Variants in MMD2 observed in about 807,000 individuals in gnomAD.
The protein encoded by MMD2 is monocyte to macrophage differentiation associated 2, also known as monocyte to macrophage differentiation factor 2.
A neutral mutation model predicts 33.5 loss-of-function variants in MMD2; 30 were observed. The ratio of observed to expected loss-of-function variants is 0.90; its 90% CI spans 0.67 to 1.22. The LOEUF is 1.22. MMD2 is among the 50% of genes most tolerant of loss of function. The probability of loss-of-function intolerance (pLI) is 0.00; values close to 1 mark genes in which losing one functional copy is unlikely to be tolerated. For synonymous variants in MMD2, 129 were observed against 123.0 expected, an observed-to-expected ratio of 1.05 and a Z score of -0.32; for missense variants, 364 against 325.4, an observed-to-expected ratio of 1.12 and a Z score of -0.91.
At chr7:4,903,962 C>T (rs1223498739), downstream of MMD2, among the ~76,000 whole-genome samples, 1 of 152,198 alleles carries the variant, frequency 6.6e-6, no homozygotes, top group Non-Finnish European at 1.5e-5. Context: ...GACGGAGTTT[C>T]GCTTTTGTTG....
At chr7:4,898,338 C>T in the MMD2 span, among the ~76,000 whole-genome samples, 3 of 152,222 alleles carry the variant, frequency 2.0e-5, no homozygotes, top group Non-Finnish European at 4.4e-5. Flanking sequence ...GCAGCAAATA[C>T]ACACTAAGCA....
chr7:4,911,039 C>A, intron 5 of MMD2, 106 bp downstream of exon 5: 1 of 962,234 alleles, frequency 1.0e-6, no homozygotes, highest in East Asian at 2.7e-5. Context: ...GAGCTGTGCT[C>A]TCACGATTAT....
intron 2 of MMD2, 21 bp downstream of exon 2, chr7:4,925,430 G>A: frequency 1.3e-6 from 2 of 1,506,382 alleles, no homozygotes; most frequent in South Asian, 1.3e-5. Context: ...TCAGCCCTGA[G>A]CCCCCCAAAA....
chr7:4,930,471 C>A (rs1785551127), intron 1 of MMD2, among the ~76,000 whole-genome samples: 1 of 151,438 alleles, frequency 6.6e-6, no homozygotes, highest in African/African-American at 2.4e-5. Flanking sequence ...AATACCCCAT[C>A]TCTACTAAAA....
rs1335030835 is a variant in MMD2, at chr7:4,940,343, C to G, written c.48-14811G>C. On this transcript the variant is annotated intron_variant, in intron 1 of 6. Transcript: ENST00000401401. This position sits in a 1 kb window ranked among gnomAD's most constrained non-coding sequence, Gnocchi z 5.0. Reference sequence around the variant, plus strand: ...GGGGTCTATGGCCCCCAGAAAGAAGCCTGACCCCTTTCATGAATGAGCCCG... The same window carrying G: ...GGGGTCTATGGCCCCCAGAAAGAAGGCTGACCCCTTTCATGAATGAGCCCG... 6.6e-6 allele frequency among the ~76,000 whole-genome samples: 1 copy of G among 152,208 alleles called. No individual in the cohort carries two copies.
chr7:4,907,998 G>A (rs567004386), intron 6 of MMD2, among the ~76,000 whole-genome samples: 9 of 151,760 alleles, frequency 5.9e-5, no homozygotes, highest in African/African-American at 2.2e-4. Context: ...TTGGAGATGG[G>A]GGCATCTCAC....
chr7:4,907,699 A>T, intron 6 of MMD2, 100 bp from the exon 7 acceptor site: 1 of 1,142,996 alleles, frequency 8.7e-7, no homozygotes, highest in Non-Finnish European at 1.3e-6. Flanking sequence ...AGACATGCAG[A>T]TGGCAAACCA....
downstream of MMD2, among the ~76,000 whole-genome samples, chr7:4,902,111 C>T (rs141086497): frequency 5.6e-3 from 855 of 152,198 alleles, 4 homozygotes; most frequent in Admixed American, 0.012. Flanking sequence ...CCACCACAGC[C>T]GGCTAATTTT....
At position 4,915,905 on chromosome 7, in the gene MMD2, T is replaced by A. The variant is rs1785129571; in HGVS notation, c.365+100A>T. On this transcript the variant is annotated intron_variant, in intron 4 of 6. Coordinates refer to ENST00000401401, the MANE Select transcript of MMD2 (RefSeq NM_198403.4). ...CGGGAAGCTTTTAACCTAACTCCTTTGTGCCAAGTCAACACATTACCCAGC... is the reference window on the plus strand; with the variant it reads ...CGGGAAGCTTTTAACCTAACTCCTTAGTGCCAAGTCAACACATTACCCAGC... 5 of 1,232,650 alleles carry A rather than the reference T, an allele frequency of 4.1e-6. No homozygotes were observed. In the Admixed American group the frequency reaches 6.1e-5, roughly 15 times the overall value. The allele number at this position is 1,232,650 out of a possible 1,614,324, so 76.4% of individuals were successfully genotyped here.
intron 1 of MMD2, among the ~76,000 whole-genome samples, chr7:4,935,193 G>GA (rs145518383): frequency 3.7e-4 from 55 of 146,706 alleles, no homozygotes; most frequent in African/African-American, 8.2e-4. Context: ...CTCAAAAAAA[G>GA]AAAAAAAAAA....
chr7:4,900,380 G>A, the MMD2 span, among the ~76,000 whole-genome samples: 1 of 152,062 alleles, frequency 6.6e-6, no homozygotes, highest in Admixed American at 6.6e-5. Flanking sequence ...TGTTATACTG[G>A]TAAAAAGGGA....
chr7:4,959,135 C>G lies in MMD2; in HGVS notation c.-118G>C, dbSNP rs951527746. 1 of 780,804 alleles carries G rather than the reference C, an allele frequency of 1.3e-6. No individual in the cohort carries two copies. 48.4% of individuals were successfully genotyped at this position (780,804 alleles called of 1,614,324 possible). Reference sequence around the variant, plus strand: ...GGCGCGCGGCGGGGGCCAAGGGGACCTGGTCGGCGCCCGGAGCCGGAGCCG... The same window carrying G: ...GGCGCGCGGCGGGGGCCAAGGGGACGTGGTCGGCGCCCGGAGCCGGAGCCG... On this transcript the variant is annotated 5_prime_UTR_variant, in exon 1 of 7. Transcript: ENST00000401401.
intron 1 of MMD2, among the ~76,000 whole-genome samples, chr7:4,948,555 G>A (rs967334480): frequency 6.6e-6 from 1 of 151,896 alleles, no homozygotes; most frequent in Non-Finnish European, 1.5e-5. Flanking sequence ...TCCACATGTT[G>A]AAATCCTCAC....
chr7:4,911,039 C>G lies in MMD2; in HGVS notation c.467+106G>C, dbSNP rs1004702676. ...ATGACGTGACAGCCAGAGCTGTGCT[C>G]TCACGATTATGAGATCATCCTGGAC... On this transcript the variant is annotated intron_variant, in intron 5 of 6. Transcript: ENST00000401401. The G allele has an allele frequency of 7.4e-5, 71 of 962,234 alleles. No homozygotes were observed. The African/African-American group carries it at 1.1e-3, about 15-fold the overall frequency. The allele number at this position is 962,234 out of a possible 1,614,324, so 59.6% of individuals were successfully genotyped here.
Position 4,907,292 on chromosome 7 carries a change from A to T in MMD2, c.*104T>A. 8.9e-7 allele frequency: 1 copy of T among 1,123,714 alleles called. No individual in the cohort carries two copies. Among genetic ancestry groups the T allele is most frequent in the Non-Finnish European group, 1.3e-6 (1 of 755,352 alleles). The allele number at this position is 1,123,714 out of a possible 1,614,324, so 69.6% of individuals were successfully genotyped here. A position where few individuals can be genotyped will look rare whatever the true frequency, so the allele number is the denominator to read the frequency against. On this transcript the variant is annotated 3_prime_UTR_variant, in exon 7 of 7. Coordinates refer to ENST00000401401, the MANE Select transcript of MMD2 (RefSeq NM_198403.4). The stretch of plus-strand genomic sequence containing the variant: ...TCACCTTGGAGCCATCAAGAACTCT[A>T]CCCAATAAAGGGAAGACAGGCCTTG...
intron 6 of MMD2, 168 bp downstream of exon 6, chr7:4,909,713 G>T: frequency 1.1e-6 from 1 of 885,132 alleles, no homozygotes; most frequent in Non-Finnish European, 1.9e-6. Flanking sequence ...TGGATTATAG[G>T]CATGAGCCAC....
chr7:4,931,483 C>T (rs904507399), intron 1 of MMD2, among the ~76,000 whole-genome samples: 5 of 150,292 alleles, frequency 3.3e-5, no homozygotes, highest in African/African-American at 1.2e-4. Context: ...AACAGGGTCT[C>T]ACTCTGTCAC....
At chr7:4,914,402 G>C (rs151101504) in intron 4 of MMD2, among the ~76,000 whole-genome samples, 90 of 152,228 alleles carry the variant, frequency 5.9e-4, no homozygotes, top group African/African-American at 2.0e-3. Context: ...TGCAGAATTT[G>C]TCTCTTTCAT....
rs149802923 is a variant in MMD2, at chr7:4,920,278, G to C, written c.183C>G (p.Asp61Glu). 22 of 1,607,520 alleles carry C rather than the reference G, an allele frequency of 1.4e-5. No individual in the cohort carries two copies. Among genetic ancestry groups the C allele is most frequent in the Non-Finnish European group, 1.8e-5 (21 of 1,177,440 alleles). ...LGSSNLYFLS[D>E]DDWETISAWI... ...AGGCAGAGATGGTCTCCCAGTCATCGTCCGACAGGAAGTAGAGGTTGGAGC... is the reference window on the plus strand; with the variant it reads ...AGGCAGAGATGGTCTCCCAGTCATCCTCCGACAGGAAGTAGAGGTTGGAGC... The change falls in exon 3 of 7, where the codon GAC becomes GAG. Residue 61 changes from aspartate (D) to glutamate (E), a missense_variant. Asp to Glu is a conservative substitution (Grantham distance 45). Coordinates refer to ENST00000401401, the MANE Select transcript of MMD2 (RefSeq NM_198403.4).
Sources: gnomAD v4.1 joint callset for allele counts (sites outside exome capture counted in the v4.1 genomes callset) on GRCh38, gnomAD v4.1.1 for gene constraint, Gnocchi (gnomAD v3.1) non-coding constraint, MANE v1.5 for transcripts, NCBI Gene and HGNC (gene_info 2026-07-23, HGNC 2026-07-21) for gene names.